The following FAM135B variants were observed in gnomAD, a reference collection of about 807,000 sequenced individuals.
FAM135B encodes the protein family with sequence similarity 135 member B.
A neutral mutation model predicts 127.7 loss-of-function variants in FAM135B; 43 were observed. The observed-to-expected ratio is 0.34, with a 90% CI of 0.26 to 0.43. The LOEUF is 0.43. Ranked by LOEUF, FAM135B falls within the 20% of genes least tolerant of loss-of-function variation. The probability of loss-of-function intolerance (pLI) is 1.00; values close to 1 mark genes in which losing one functional copy is unlikely to be tolerated. For synonymous variants in FAM135B, 670 were observed against 665.1 expected (o/e 1.01, Z -0.11); for missense variants, 1,558 against 1,725.6 (o/e 0.90, Z 1.72).
At chr8:138,460,752 G>A (rs1837076535) in intron 1 of FAM135B, among the ~76,000 whole-genome samples, 1 of 152,130 alleles carries the variant, frequency 6.6e-6, no homozygotes, top group Non-Finnish European at 1.5e-5. Context: ...AAGAAAAATG[G>A]CTGGTGCTGC....
intron 3 of FAM135B, among the ~76,000 whole-genome samples, chr8:138,298,992 G>C (rs1440657757): frequency 6.6e-6 from 1 of 151,482 alleles, no homozygotes; most frequent in Non-Finnish European, 1.5e-5. Context: ...CCCGGGATGC[G>C]GAGGTTGCAA....
intron 1 of FAM135B, among the ~76,000 whole-genome samples, chr8:138,390,427 T>C (rs1392720770): frequency 6.6e-6 from 1 of 152,152 alleles, no homozygotes; most frequent in Non-Finnish European, 1.5e-5. Context: ...TTTTGCCTTC[T>C]GCCATGATTG....
At chr8:138,492,504 C>T (rs2131699578) in intron 1 of FAM135B, among the ~76,000 whole-genome samples, 1 of 152,204 alleles carries the variant, frequency 6.6e-6, no homozygotes, top group Admixed American at 6.5e-5. Context: ...GGAGAGCATC[C>T]TGCCCAGGTC....
chr8:138,235,732 G>A (rs1820224940), intron 7 of FAM135B, among the ~76,000 whole-genome samples: 1 of 152,124 alleles, frequency 6.6e-6, no homozygotes, highest in Non-Finnish European at 1.5e-5. Flanking sequence ...GCTCGGCATG[G>A]TGGGAGCCTT....
intron 1 of FAM135B, among the ~76,000 whole-genome samples, chr8:138,368,496 C>T (rs564829131): frequency 3.9e-5 from 6 of 152,328 alleles, no homozygotes; most frequent in African/African-American, 1.4e-4. Context: ...GAGCACTCTG[C>T]ACGGTCATTT....
rs540351846 is a variant in FAM135B, at chr8:138,302,588, C to T, written c.157+8253G>A. ...CTGGGGGGACCCTTCTCATTTTGAG[C>T]AGATGAAGATTTGCCTTGATGACCT... On this transcript the variant is annotated intron_variant, in intron 3 of 19. Coordinates refer to ENST00000395297, the MANE Select transcript of FAM135B (RefSeq NM_015912.4). Among the ~76,000 whole-genome samples the T allele has an allele frequency of 9.9e-5, 15 of 152,008 alleles. No homozygotes were observed. In the East Asian group the frequency reaches 2.5e-3, roughly 26 times the overall value.
intron 8 of FAM135B, 29 bp downstream of exon 8, chr8:138,197,487 A>G (rs1288839121): frequency 6.3e-7 from 1 of 1,599,748 alleles, no homozygotes; most frequent in South Asian, 1.1e-5. Context: ...AGCTGCTGGG[A>G]TGGGCTTGCC....
intron 11 of FAM135B, among the ~76,000 whole-genome samples, chr8:138,174,526 C>A (rs16908436): frequency 2.0e-5 from 3 of 152,140 alleles, no homozygotes; most frequent in East Asian, 1.9e-4. Flanking sequence ...GAAATTCTCC[C>A]TCTGTTTTAC....
intron 1 of FAM135B, among the ~76,000 whole-genome samples, chr8:138,487,821 G>A (rs1316552750): frequency 6.6e-6 from 1 of 152,104 alleles, no homozygotes; most frequent in Non-Finnish European, 1.5e-5. Context: ...CGCCAACAAG[G>A]GGAAATCCCT....
chr8:138,304,815 G>A (rs549948202), intron 3 of FAM135B, among the ~76,000 whole-genome samples: 1 of 152,336 alleles, frequency 6.6e-6, no homozygotes, highest in African/African-American at 2.4e-5. Context: ...TTCCTGGCCT[G>A]CTCGAAGTGG....
In FAM135B at chr8:138,141,436, G is replaced by T; in HGVS notation, c.3639-87C>A. ...AGTGCTGGAAGCATCAGGGGCCATT[G>T]TTCTCCACCTCCCACTGAATGTAGG... is the stretch of plus-strand genomic sequence containing the variant. On this transcript the variant is annotated intron_variant, in intron 16 of 19. Coordinates refer to ENST00000395297, the MANE Select transcript of FAM135B (RefSeq NM_015912.4). The surrounding 1 kb of genome is among the most constrained non-coding windows in gnomAD (Gnocchi z 4.7). 7.6e-7 allele frequency: 1 copy of T among 1,307,812 alleles called. No homozygotes were observed. The highest frequency in any genetic ancestry group is 1.1e-6 in the Non-Finnish European group (1 of 916,596). The allele number at this position is 1,307,812 out of a possible 1,614,324, so 81.0% of individuals were successfully genotyped here. A position where few individuals can be genotyped will look rare whatever the true frequency, so the allele number is the denominator to read the frequency against.
intron 11 of FAM135B, among the ~76,000 whole-genome samples, chr8:138,175,681 C>G (rs978682799): frequency 6.6e-6 from 1 of 151,884 alleles, no homozygotes; most frequent in Non-Finnish European, 1.5e-5. Context: ...TCTGTTTTTC[C>G]TCTTCTGAAA....
At position 138,241,132 on chromosome 8, in the gene FAM135B, G is replaced by A. The variant is rs771961338; in HGVS notation, c.669+1810C>T. Among the ~76,000 whole-genome samples the A allele has an allele frequency of 3.2e-4, 49 of 152,136 alleles. No homozygotes were observed. The highest frequency in any genetic ancestry group is 1.1e-3 in the African/African-American group (44 of 41,430). On this transcript the variant is annotated intron_variant, in intron 7 of 19. Transcript: ENST00000395297. The surrounding 1 kb of genome is among the most constrained non-coding windows in gnomAD (Gnocchi z 4.8). ...TGTAGTCACAGCAAAGGCTTCGGCCGACCACGGGGAGCTTTGCCTCAGTGA... is the reference window on the plus strand; with the variant it reads ...TGTAGTCACAGCAAAGGCTTCGGCCAACCACGGGGAGCTTTGCCTCAGTGA...
chr8:138,260,177 C>T (rs1297677877), intron 4 of FAM135B, among the ~76,000 whole-genome samples: 1 of 152,128 alleles, frequency 6.6e-6, no homozygotes, highest in Non-Finnish European at 1.5e-5. Context: ...GGCCTGAGAA[C>T]CTGGCCTTTA....
intron 7 of FAM135B, among the ~76,000 whole-genome samples, chr8:138,230,033 T>C (rs540813911): frequency 6.6e-6 from 1 of 151,998 alleles, no homozygotes; most frequent in African/African-American, 2.4e-5. Context: ...CAGAAAGAGG[T>C]GGAGAGTAGC....
chr8:138,256,139 T>TGACAGCTCAGCCCAGGG (rs34668188), intron 5 of FAM135B, among the ~76,000 whole-genome samples: 62,306 of 151,742 alleles, frequency 0.41, 13,200 homozygotes, highest in Non-Finnish European at 0.46. Flanking sequence ...TTAGTTGGCC[T>TGACAGCTCAGCCCAGGG]GACAGCTCAG....
At chr8:138,376,131 CAG>C (rs1831456787) in intron 1 of FAM135B, among the ~76,000 whole-genome samples, 1 of 151,954 alleles carries the variant, frequency 6.6e-6, no homozygotes, top group South Asian at 2.1e-4. Flanking sequence ...TTAGTAGAGA[CAG>C]GGTTTCACTG....
At chr8:138,142,302 T>G (rs1460778305) in intron 16 of FAM135B, among the ~76,000 whole-genome samples, 1 of 104,152 alleles carries the variant, frequency 9.6e-6, no homozygotes, top group African/African-American at 3.9e-5. Flanking sequence ...TTTTTTTTTT[T>G]TTTTTTTTTT....
chr8:138,404,692 G>A (rs771086666), intron 1 of FAM135B, among the ~76,000 whole-genome samples: 31 of 152,214 alleles, frequency 2.0e-4, no homozygotes, highest in Non-Finnish European at 2.5e-4. Flanking sequence ...TTCATCTCAA[G>A]ACACCACTTT....
Sources: allele counts gnomAD v4.1 joint callset (sites outside exome capture counted in the v4.1 genomes callset), GRCh38; gene constraint gnomAD v4.1.1; non-coding constraint Gnocchi (gnomAD v3.1); transcripts MANE v1.5; gene names NCBI Gene and HGNC (gene_info 2026-07-23, HGNC 2026-07-21).